Variants in C10orf53 observed in about 807,000 individuals in gnomAD.
C10orf53 encodes UPF0728 protein C10orf53.
Under a neutral mutation model 9.4 loss-of-function variants are expected in C10orf53, and 8 were observed. The ratio of observed to expected loss-of-function variants is 0.85; its 90% CI spans 0.50 to 1.53. The LOEUF (loss-of-function observed/expected upper bound fraction) is 1.53. Among genes scored for constraint, C10orf53 ranks in the 40% most tolerant of loss-of-function variants. The pLI, the probability that C10orf53 is intolerant of heterozygous loss-of-function variation, is 0.00. For missense variants in C10orf53, 117 were observed against 117.8 expected (o/e 0.99, Z 0.03); for synonymous variants, 48 against 46.0 (o/e 1.04, Z -0.18).
At position 49,708,143 on chromosome 10, in the gene C10orf53, A is replaced by T. The variant is rs10857534; in HGVS notation, c.218-218A>T. Reference sequence around the variant, plus strand: ...TCTCCAGCCCTGATTTCTTTGTTACATGCTAGATCCCAAATCTCAATGGTT... The same window carrying T: ...TCTCCAGCCCTGATTTCTTTGTTACTTGCTAGATCCCAAATCTCAATGGTT... On this transcript the variant is annotated intron_variant, in intron 2 of 2. Transcript: ENST00000374112. Among the ~76,000 whole-genome samples, 69,253 of 151,952 alleles carry T rather than the reference A, an allele frequency of 0.46. 16,187 individuals are homozygous for T. Among genetic ancestry groups the T allele is most frequent in the Middle Eastern group, 0.5 (148 of 294 alleles).
intron 1 of C10orf53, among the ~76,000 whole-genome samples, chr10:49,682,983 C>T (rs1380069262): frequency 1.3e-5 from 2 of 152,198 alleles, no homozygotes; most frequent in African/African-American, 4.8e-5. Context: ...TGTTGATAGA[C>T]ACTTGGGTTG....
Position 49,695,061 on chromosome 10 carries a change from T to C in C10orf53, c.*459T>C, listed in dbSNP as rs1033878975. The C allele has an allele frequency of 5.5e-5, 33 of 600,324 alleles. No homozygotes were observed. The highest frequency in any genetic ancestry group is 5.4e-5 in the Non-Finnish European group (26 of 478,074). The allele number at this position is 600,324 out of a possible 1,614,324, so 37.2% of individuals were successfully genotyped here. A position where few individuals can be genotyped will look rare whatever the true frequency, so the allele number is the denominator to read the frequency against. On this transcript the variant is annotated 3_prime_UTR_variant, in exon 3 of 3. Transcript: ENST00000374111. Reference sequence around the variant, plus strand: ...AGTCTGAACCAAAAGCAAATGTTAATATTTGGAAACCTTGCTATTCCTACA... The same window carrying C: ...AGTCTGAACCAAAAGCAAATGTTAACATTTGGAAACCTTGCTATTCCTACA...
At chr10:49,688,927 G>T (rs745407094) in intron 1 of C10orf53, among the ~76,000 whole-genome samples, 1 of 151,804 alleles carries the variant, frequency 6.6e-6, no homozygotes, top group Non-Finnish European at 1.5e-5. Flanking sequence ...CTTCTTGCTC[G>T]TAATTACCTA....
chr10:49,704,423 TTAA>T (rs1346295701), intron 2 of C10orf53, among the ~76,000 whole-genome samples: 1 of 152,178 alleles, frequency 6.6e-6, no homozygotes, highest in African/African-American at 2.4e-5. Flanking sequence ...AACCTCATTC[TTAA>T]TAAGATAAAT....
chr10:49,696,365 T>C lies in C10orf53; in HGVS notation c.*1763T>C, dbSNP rs975821649. Among the ~76,000 whole-genome samples the C allele has an allele frequency of 6.6e-6, 1 of 152,226 alleles. No individual in the cohort carries two copies. Among genetic ancestry groups the C allele is most frequent in the Admixed American group, 6.5e-5 (1 of 15,284 alleles). On this transcript the variant is annotated 3_prime_UTR_variant, in exon 3 of 3. Coordinates refer to ENST00000374111, the MANE Select transcript of C10orf53 (RefSeq NM_001042427.3). ...TTTCAATGCTGAGAACTGAAATTGC[T>C]AGCTTCCCCTGTCTGCATTTGGAGT...
In C10orf53 at chr10:49,679,680, G is replaced by A. The variant is rs750163553; in HGVS notation, c.-18G>A. The A allele has an allele frequency of 9.7e-6, 15 of 1,543,768 alleles. No homozygotes were observed. Among genetic ancestry groups the A allele is most frequent in the Non-Finnish European group, 1.3e-5 (15 of 1,144,038 alleles). ...GCGTGTGTTTCTCCCTTGCCTCTGC[G>A]GCGGCGGAGGCCTGGCGATGCCCAA... On this transcript the variant is annotated 5_prime_UTR_variant, in exon 1 of 3. Transcript: ENST00000374111.
chr10:49,680,011 C>CAAATTA (rs1263424110), intron 1 of C10orf53, among the ~76,000 whole-genome samples: 14 of 152,216 alleles, frequency 9.2e-5, no homozygotes, highest in African/African-American at 3.4e-4. Context: ...CACCCAGTGC[C>CAAATTA]CAGCAAATTA....
chr10:49,701,406 T>A (rs1042330648), downstream of C10orf53, among the ~76,000 whole-genome samples: 23 of 152,194 alleles, frequency 1.5e-4, no homozygotes, highest in South Asian at 6.2e-4. Context: ...CGTTTTTTTT[T>A]ATTAACTTTT....
At chr10:49,697,986 A>T (rs1285795478), downstream of C10orf53, among the ~76,000 whole-genome samples, 1 of 152,140 alleles carries the variant, frequency 6.6e-6, no homozygotes, top group Non-Finnish European at 1.5e-5. Context: ...CCTTGGTAAG[A>T]TTGCCCTTAA....
At chr10:49,704,943 C>T (rs114008009) in intron 2 of C10orf53, among the ~76,000 whole-genome samples, 184 of 152,314 alleles carry the variant, frequency 1.2e-3, no homozygotes, top group African/African-American at 4.2e-3. Flanking sequence ...CCTAAAGATA[C>T]TATCTAAATC....
downstream of C10orf53, among the ~76,000 whole-genome samples, chr10:49,699,864 A>C (rs1840667650): frequency 2.0e-5 from 3 of 150,894 alleles, no homozygotes; most frequent in South Asian, 4.2e-4. Context: ...GTGATCAGGT[A>C]CAAGAGGGCC....
intron 2 of C10orf53, among the ~76,000 whole-genome samples, chr10:49,705,210 G>T (rs1840714843): frequency 6.6e-6 from 1 of 152,110 alleles, no homozygotes; most frequent in Admixed American, 6.6e-5. Flanking sequence ...AAATGAGAAA[G>T]AACATATGGG....
intron 1 of C10orf53, among the ~76,000 whole-genome samples, chr10:49,683,270 T>C (rs911738877): frequency 6.6e-6 from 1 of 152,224 alleles, no homozygotes; most frequent in Non-Finnish European, 1.5e-5. Context: ...ATTTCCCTAA[T>C]GATTGGTGAT....
downstream of C10orf53, among the ~76,000 whole-genome samples, chr10:49,700,140 T>C (rs912149211): frequency 6.6e-6 from 1 of 152,240 alleles, no homozygotes; most frequent in African/African-American, 2.4e-5. Context: ...TAAAAAATAC[T>C]GAACACCAAA....
intron 2 of C10orf53, among the ~76,000 whole-genome samples, chr10:49,705,195 T>C (rs534027959): frequency 1.5e-4 from 23 of 152,230 alleles, no homozygotes; most frequent in African/African-American, 5.1e-4. Context: ...GTATGATTTA[T>C]GAAAAAATGA....
chr10:49,693,195 G>A (rs777340585), intron 1 of C10orf53, among the ~76,000 whole-genome samples: 66 of 152,174 alleles, frequency 4.3e-4, no homozygotes, highest in East Asian at 7.7e-4. Flanking sequence ...TTATTTGGCC[G>A]TCCTCTCATT....
At chr10:49,703,515 G>C (rs1268117422) in intron 2 of C10orf53, among the ~76,000 whole-genome samples, 1 of 152,202 alleles carries the variant, frequency 6.6e-6, no homozygotes, top group African/African-American at 2.4e-5. Flanking sequence ...TATTAGTAAA[G>C]AGATGGAAGG....
In C10orf53 at chr10:49,695,953, A is replaced by G. The variant is rs1204656462; in HGVS notation, c.*1351A>G. 1 of 152,206 alleles carries G rather than the reference A, an allele frequency of 6.6e-6. No individual in the cohort carries two copies. The highest frequency in any genetic ancestry group is 1.5e-5 in the Non-Finnish European group (1 of 68,040). The allele number at this position is 152,206 out of a possible 1,614,324, so 9.4% of individuals were successfully genotyped here. On this transcript the variant is annotated 3_prime_UTR_variant, in exon 3 of 3. Transcript: ENST00000374111. ...GATGTAGCATTCAATCTTTGTTTCA[A>G]TATAACATTTTACTACAAGAGAAAT...
chr10:49,703,326 A>T (rs1840697871), intron 2 of C10orf53, among the ~76,000 whole-genome samples: 1 of 152,336 alleles, frequency 6.6e-6, no homozygotes, highest in South Asian at 2.1e-4. Context: ...CATTCAGAGC[A>T]CTGGGCAGAA....
Sources: gnomAD v4.1 joint callset for allele counts (sites outside exome capture counted in the v4.1 genomes callset) on GRCh38, gnomAD v4.1.1 for gene constraint, MANE v1.5 for transcripts, NCBI Gene and HGNC (gene_info 2026-07-23, HGNC 2026-07-21) for gene names.